Variants in AKAP19 observed in about 807,000 individuals in gnomAD.
The protein encoded by AKAP19 is A-kinase anchoring protein 19.
the AKAP19 span, among the ~76,000 whole-genome samples, chr2:190,189,373 C>T: frequency 6.6e-6 from 1 of 152,254 alleles, no homozygotes; most frequent in East Asian, 1.9e-4. Context: ...TCTTATTTGC[C>T]ATGTGAACTC....
the AKAP19 span, among the ~76,000 whole-genome samples, chr2:189,897,326 A>C: frequency 2.9e-3 from 442 of 152,300 alleles, 1 homozygote; most frequent in Middle Eastern, 0.014. Flanking sequence ...GCTATTCATC[A>C]TGACAGTGTT....
the AKAP19 span, among the ~76,000 whole-genome samples, chr2:190,001,166 T>A: frequency 5.3e-5 from 8 of 152,292 alleles, no homozygotes; most frequent in African/African-American, 1.7e-4. Context: ...ATTTGTTTTT[T>A]AAAAAAATAA....
At chr2:189,912,327 G>A in the AKAP19 span, among the ~76,000 whole-genome samples, 2 of 152,002 alleles carry the variant, frequency 1.3e-5, no homozygotes, top group East Asian at 3.9e-4. Context: ...GATCACTTGA[G>A]GCCAGGAGTT....
chr2:190,182,062 C>T, the AKAP19 span, among the ~76,000 whole-genome samples: 2 of 152,194 alleles, frequency 1.3e-5, no homozygotes, highest in Admixed American at 6.5e-5. Flanking sequence ...CAAAAGGATG[C>T]TTTAAAATTG....
chr2:190,027,980 A>G, the AKAP19 span, among the ~76,000 whole-genome samples: 2 of 152,154 alleles, frequency 1.3e-5, no homozygotes, highest in African/African-American at 4.8e-5. Context: ...AATTTTGTGT[A>G]TGAAATTCAA....
the AKAP19 span, among the ~76,000 whole-genome samples, chr2:190,143,938 G>A: frequency 1.0e-4 from 15 of 143,222 alleles, no homozygotes; most frequent in South Asian, 2.3e-4. Flanking sequence ...ACCAAACACC[G>A]CATATTCTCA....
chr2:189,943,536 G>C, the AKAP19 span, among the ~76,000 whole-genome samples: 10 of 152,194 alleles, frequency 6.6e-5, no homozygotes, highest in Non-Finnish European at 8.8e-5. Flanking sequence ...TGTGGGGTTG[G>C]AGCCCCCACA....
At chr2:190,086,677 T>C in the AKAP19 span, among the ~76,000 whole-genome samples, 3 of 152,196 alleles carry the variant, frequency 2.0e-5, no homozygotes, top group African/African-American at 7.2e-5. Context: ...ACCATTGTGG[T>C]TCTTGCTTGG....
At chr2:190,016,282 G>C in the AKAP19 span, among the ~76,000 whole-genome samples, 1 of 152,152 alleles carries the variant, frequency 6.6e-6, no homozygotes, top group Admixed American at 6.5e-5. Context: ...CACATGGCTG[G>C]GGAGGCCTCA....
chr2:190,103,642 A>G, the AKAP19 span, among the ~76,000 whole-genome samples: 1 of 152,252 alleles, frequency 6.6e-6, no homozygotes, highest in Non-Finnish European at 1.5e-5. Flanking sequence ...GAGGTAAAAG[A>G]TCTCTACAAG....
the AKAP19 span, among the ~76,000 whole-genome samples, chr2:189,948,052 GTT>G: frequency 2.0e-5 from 3 of 152,094 alleles, no homozygotes; most frequent in Non-Finnish European, 4.4e-5. Context: ...AAGTACATTT[GTT>G]TACCTCCTGT....
At chr2:189,934,261 G>A in the AKAP19 span, among the ~76,000 whole-genome samples, 3 of 152,002 alleles carry the variant, frequency 2.0e-5, no homozygotes, top group East Asian at 5.8e-4. Context: ...TTTTTTGCAT[G>A]TTGCACACAT....
the AKAP19 span, among the ~76,000 whole-genome samples, chr2:190,153,051 A>G: frequency 6.6e-6 from 1 of 152,030 alleles, no homozygotes; most frequent in Non-Finnish European, 1.5e-5. Context: ...GTCCACCACG[A>G]CGCCCGGCTA....
the AKAP19 span, among the ~76,000 whole-genome samples, chr2:190,198,953 TTTAACC>T: frequency 6.6e-6 from 1 of 152,214 alleles, no homozygotes; most frequent in Non-Finnish European, 1.5e-5. Flanking sequence ...AGGAAAAACC[TTTAACC>T]TTAATCTGAG....
chr2:190,077,444 AATGTTAACATGTTAAC>A, the AKAP19 span, among the ~76,000 whole-genome samples: 23 of 151,810 alleles, frequency 1.5e-4, no homozygotes, highest in African/African-American at 2.2e-4. Context: ...AAACATTTAA[AATGTTAACATGTTAAC>A]ATGTTAACAT....
chr2:190,128,407 G>A, the AKAP19 span, among the ~76,000 whole-genome samples: 1 of 152,114 alleles, frequency 6.6e-6, no homozygotes, highest in Non-Finnish European at 1.5e-5. Flanking sequence ...TATCCACAAG[G>A]CACAAAAGGC....
At chr2:190,155,138 C>T in the AKAP19 span, among the ~76,000 whole-genome samples, 1 of 152,168 alleles carries the variant, frequency 6.6e-6, no homozygotes, top group African/African-American at 2.4e-5. Flanking sequence ...TTTCTCTCCC[C>T]CCTTCCCCTC....
At chr2:190,115,253 C>T in the AKAP19 span, among the ~76,000 whole-genome samples, 1 of 59,202 alleles carries the variant, frequency 1.7e-5, no homozygotes, top group African/African-American at 6.6e-5. Context: ...AGAGACAAGG[C>T]AAGAAGCATA....
At chr2:189,984,283 T>TG in the AKAP19 span, among the ~76,000 whole-genome samples, 33 of 152,016 alleles carry the variant, frequency 2.2e-4, no homozygotes, top group African/African-American at 6.5e-4. Context: ...AGGTACACCC[T>TG]GGGGGGGCCA....
Sources: allele counts gnomAD v4.1 joint callset (sites outside exome capture counted in the v4.1 genomes callset), GRCh38; gene constraint gnomAD v4.1.1; transcripts MANE v1.5; gene names NCBI Gene and HGNC (gene_info 2026-07-23, HGNC 2026-07-21).